Variants in SV2C observed in about 807,000 individuals in gnomAD.
SV2C encodes the protein synaptic vesicle glycoprotein 2C, also known as solute carrier family 22 member B3.
In SV2C, 49 loss-of-function variants were observed where a neutral mutation model predicts 79.7. That is an observed-to-expected ratio of 0.61 (90% CI 0.49 to 0.78). The LOEUF (loss-of-function observed/expected upper bound fraction) is 0.78, where lower values mean the gene tolerates loss of function less well. SV2C is among the 30% of genes least tolerant of loss of function. The pLI is 0.00. For synonymous variants in SV2C, 334 were observed against 333.2 expected (o/e 1.00, Z -0.03); for missense variants, 833 against 912.9 (o/e 0.91, Z 1.13).
intron 4 of SV2C, among the ~76,000 whole-genome samples, chr5:76,249,091 G>T (rs1746034158): frequency 6.6e-6 from 1 of 152,100 alleles, no homozygotes. Flanking sequence ...TAATAAACCT[G>T]GAAGAAAAGT....
the SV2C span, among the ~76,000 whole-genome samples, chr5:75,968,034 A>C: frequency 1.3e-5 from 2 of 152,188 alleles, no homozygotes; most frequent in Non-Finnish European, 2.9e-5. Context: ...TGTTCTGCAG[A>C]CACCGCTGCT....
chr5:76,018,655 G>C, the SV2C span, among the ~76,000 whole-genome samples: 1 of 152,132 alleles, frequency 6.6e-6, no homozygotes, highest in Non-Finnish European at 1.5e-5. Flanking sequence ...AATGGTAATA[G>C]GATATCTCCC....
chr5:76,311,562 A>C (rs1440846660), intron 12 of SV2C: 3 of 152,190 alleles, frequency 2.0e-5, no homozygotes, highest in Non-Finnish European at 4.4e-5. Flanking sequence ...TTGAATATAC[A>C]AGTCATTGTA....
the SV2C span, among the ~76,000 whole-genome samples, chr5:75,896,476 G>C: frequency 1.3e-5 from 2 of 151,328 alleles, no homozygotes; most frequent in East Asian, 3.9e-4. Flanking sequence ...TTGGACATTT[G>C]GGTTGGTTCC....
chr5:76,148,870 G>A (rs954650525), intron 2 of SV2C, among the ~76,000 whole-genome samples: 5 of 152,276 alleles, frequency 3.3e-5, no homozygotes, highest in South Asian at 2.1e-4. Flanking sequence ...GTCACATCTA[G>A]TCTTGGCTAG....
intron 12 of SV2C, 48 bp from the exon 13 acceptor site, chr5:76,325,316 C>A (rs2112565854): frequency 6.3e-7 from 1 of 1,589,502 alleles, no homozygotes; most frequent in East Asian, 2.2e-5. Context: ...AAGTTGGAAT[C>A]ATGGGGAGGC....
rs958005137 is a variant in SV2C at position 76,203,698 on chromosome 5, C to A, written c.762-6038C>A. Among the ~76,000 whole-genome samples, 8 of 152,104 alleles carry A rather than the reference C, an allele frequency of 5.3e-5. No individual in the cohort carries two copies. The South Asian group carries it at 1.7e-3, about 32-fold the overall frequency. ...GTTTTCTTGGCAATGCAGTTTTCCC[C>A]ACAAATTATATACTTAAAGATCAAT... On this transcript the variant is annotated intron_variant, in intron 3 of 12. Coordinates refer to ENST00000502798, the MANE Select transcript of SV2C (RefSeq NM_014979.4).
At chr5:76,206,476 G>A (rs925119271) in intron 3 of SV2C, among the ~76,000 whole-genome samples, 1 of 152,188 alleles carries the variant, frequency 6.6e-6, no homozygotes, top group South Asian at 2.1e-4. Context: ...CCCTTTGGGG[G>A]CTCCATTGCT....
upstream of SV2C, among the ~76,000 whole-genome samples, chr5:76,080,537 G>A (rs1340827062): frequency 6.6e-6 from 1 of 152,190 alleles, no homozygotes; most frequent in Non-Finnish European, 1.5e-5. Flanking sequence ...TACCCATTGT[G>A]TACTAGGCAC....
At chr5:76,338,545 G>A (rs1195289762), downstream of SV2C, among the ~76,000 whole-genome samples, 2 of 152,272 alleles carry the variant, frequency 1.3e-5, no homozygotes, top group East Asian at 1.9e-4. Context: ...CACCCCCACT[G>A]CAGTCTGCTG....
At chr5:75,918,178 C>T in the SV2C span, among the ~76,000 whole-genome samples, 1 of 152,206 alleles carries the variant, frequency 6.6e-6, no homozygotes, top group Admixed American at 6.5e-5. Context: ...TCTAAGGTCA[C>T]AGAACCAGTT....
chr5:75,934,324 G>C, the SV2C span, among the ~76,000 whole-genome samples: 1 of 41,530 alleles, frequency 2.4e-5, no homozygotes, highest in African/African-American at 2.5e-4. Context: ...TTTTTTCACT[G>C]TCGCTGGGCT....
chr5:76,342,950 C>T (rs2112586436), intron 12 of SV2C, among the ~76,000 whole-genome samples: 1 of 150,634 alleles, frequency 6.6e-6, no homozygotes, highest in South Asian at 2.1e-4. Flanking sequence ...TCTCGAACTC[C>T]TGACCCCAAG....
intron 1 of SV2C, among the ~76,000 whole-genome samples, chr5:76,128,320 G>A (rs1397365520): frequency 2.6e-5 from 4 of 152,112 alleles, no homozygotes; most frequent in Non-Finnish European, 2.9e-5. Flanking sequence ...TATAAAGCTC[G>A]TCACTGATTA....
chr5:76,268,936 G>A (rs1480707364), intron 4 of SV2C, among the ~76,000 whole-genome samples: 1 of 152,174 alleles, frequency 6.6e-6, no homozygotes, highest in Non-Finnish European at 1.5e-5. Context: ...ATTCATGCAG[G>A]AATAAAAAGG....
the SV2C span, among the ~76,000 whole-genome samples, chr5:75,957,815 C>T: frequency 6.6e-6 from 1 of 151,982 alleles, no homozygotes; most frequent in Non-Finnish European, 1.5e-5. Flanking sequence ...CATGCCCAGC[C>T]ATCTCCTCTT....
the SV2C span, among the ~76,000 whole-genome samples, chr5:76,031,021 G>T: frequency 6.6e-6 from 1 of 152,058 alleles, no homozygotes; most frequent in Non-Finnish European, 1.5e-5. Flanking sequence ...AATATAAATG[G>T]TGCAAAATAT....
the SV2C span, among the ~76,000 whole-genome samples, chr5:76,059,995 A>C: frequency 6.6e-6 from 1 of 152,108 alleles, no homozygotes; most frequent in Non-Finnish European, 1.5e-5. Context: ...TGCATTGTCA[A>C]TGAGCAGTAA....
At chr5:75,965,019 A>C in the SV2C span, among the ~76,000 whole-genome samples, 2 of 152,202 alleles carry the variant, frequency 1.3e-5, no homozygotes, top group Middle Eastern at 3.2e-3. Context: ...ATACATAAAT[A>C]AAAACTCTCC....
Sources: allele counts gnomAD v4.1 joint callset (sites outside exome capture counted in the v4.1 genomes callset), GRCh38; gene constraint gnomAD v4.1.1; transcripts MANE v1.5; gene names NCBI Gene and HGNC (gene_info 2026-07-23, HGNC 2026-07-21).